Variants in CSMD1 observed in about 807,000 individuals in gnomAD.
CSMD1 encodes the protein CUB and Sushi multiple domains 1.
In CSMD1, 213 loss-of-function variants were observed where a neutral mutation model predicts 417.5. The observed-to-expected ratio is 0.51, with a 90% CI of 0.46 to 0.57. The LOEUF (loss-of-function observed/expected upper bound fraction) is 0.57, where lower values mean the gene tolerates loss of function less well. Among genes scored for constraint, CSMD1 ranks in the 20% least tolerant of loss-of-function variants. CSMD1 has a pLI of 0.00. For synonymous variants in CSMD1, 2,862 were observed against 1,736.8 expected, an observed-to-expected ratio of 1.65 and a Z score of -16.11; for missense variants, 6,923 against 4,529.7, an observed-to-expected ratio of 1.53 and a Z score of -15.17.
intron 1 of CSMD1, among the ~76,000 whole-genome samples, chr8:4,638,637 A>T (rs977150721): frequency 6.6e-6 from 1 of 152,202 alleles, no homozygotes; most frequent in East Asian, 1.9e-4. Flanking sequence ...AAAGAGCAGT[A>T]AGTAAGCAGT....
chr8:4,518,424 G>T (rs1252525153), intron 2 of CSMD1, among the ~76,000 whole-genome samples: 1 of 152,108 alleles, frequency 6.6e-6, no homozygotes, highest in Non-Finnish European at 1.5e-5. Context: ...TTGACTGTGT[G>T]AGGGAAACAT....
chr8:4,740,013 G>C (rs1810504563), intron 1 of CSMD1, among the ~76,000 whole-genome samples: 1 of 152,034 alleles, frequency 6.6e-6, no homozygotes, highest in African/African-American at 2.4e-5. Flanking sequence ...TTCCCACCCT[G>C]AGCTTCAGCA....
intron 3 of CSMD1, among the ~76,000 whole-genome samples, chr8:4,184,166 G>C (rs929064851): frequency 2.0e-5 from 3 of 152,062 alleles, no homozygotes; most frequent in Admixed American, 6.6e-5. Context: ...GAAAGAAAAA[G>C]CAATGGAAAT....
At chr8:3,992,793 T>C (rs1814860951) in intron 5 of CSMD1, among the ~76,000 whole-genome samples, 1 of 152,154 alleles carries the variant, frequency 6.6e-6, no homozygotes, top group Admixed American at 6.5e-5. Context: ...CATTAAAAAA[T>C]TATAAAGGAA....
At chr8:4,872,539 C>G (rs1802796791) in intron 1 of CSMD1, among the ~76,000 whole-genome samples, 1 of 152,034 alleles carries the variant, frequency 6.6e-6, no homozygotes, top group East Asian at 1.9e-4. Context: ...TTGTAAGTTT[C>G]CTGAGGCTTC....
chr8:4,797,872 T>C (rs1224521682), intron 1 of CSMD1, among the ~76,000 whole-genome samples: 1 of 152,182 alleles, frequency 6.6e-6, no homozygotes, highest in Non-Finnish European at 1.5e-5. Flanking sequence ...TCATGGATTT[T>C]ACGAAAATCA....
chr8:4,093,574 A>G (rs1800831061), intron 3 of CSMD1, among the ~76,000 whole-genome samples: 1 of 152,240 alleles, frequency 6.6e-6, no homozygotes, highest in African/African-American at 2.4e-5. Context: ...CACATTGAAA[A>G]AAAGTGGCAG....
chr8:4,270,673 C>G (rs544803997), intron 3 of CSMD1, among the ~76,000 whole-genome samples: 10 of 152,304 alleles, frequency 6.6e-5, no homozygotes, highest in Non-Finnish European at 1.0e-4. Context: ...AATGTAGCTC[C>G]TTTCTTCTAC....
chr8:3,281,876 G>A (rs969926604), intron 26 of CSMD1, among the ~76,000 whole-genome samples: 1 of 152,150 alleles, frequency 6.6e-6, no homozygotes, highest in African/African-American at 2.4e-5. Context: ...GTTTCTAATG[G>A]TTTAGTACCA....
At chr8:4,877,684 A>G (rs1803134801) in intron 1 of CSMD1, among the ~76,000 whole-genome samples, 1 of 152,072 alleles carries the variant, frequency 6.6e-6, no homozygotes. Context: ...TATCTCCCCT[A>G]TTCCATCTGG....
At chr8:4,339,057 C>G (rs1447179953) in intron 3 of CSMD1, among the ~76,000 whole-genome samples, 1 of 152,072 alleles carries the variant, frequency 6.6e-6, no homozygotes, top group African/African-American at 2.4e-5. Context: ...CTACCGGGAA[C>G]TATTGCTTGG....
intron 37 of CSMD1, among the ~76,000 whole-genome samples, chr8:3,175,338 ACCT>A (rs1015185504): frequency 6.6e-6 from 1 of 152,018 alleles, no homozygotes; most frequent in African/African-American, 2.4e-5. Context: ...CACTGATTCA[ACCT>A]CCTACGTTAT....
At chr8:4,145,438 C>A (rs935632294) in intron 3 of CSMD1, among the ~76,000 whole-genome samples, 3 of 151,216 alleles carry the variant, frequency 2.0e-5, no homozygotes, top group African/African-American at 7.4e-5. Flanking sequence ...ACTTAATCTA[C>A]AGGTTACTAT....
chr8:3,541,010 C>G (rs754937399), intron 10 of CSMD1, among the ~76,000 whole-genome samples: 2 of 152,092 alleles, frequency 1.3e-5, no homozygotes, highest in Non-Finnish European at 2.9e-5. Flanking sequence ...ACCATTTGAC[C>G]CAGCAATCCC....
At chr8:4,791,464 T>G (rs940631892) in intron 1 of CSMD1, among the ~76,000 whole-genome samples, 1 of 152,170 alleles carries the variant, frequency 6.6e-6, no homozygotes, top group East Asian at 1.9e-4. Context: ...TCTTGAAAAG[T>G]GAACCTAATT....
At chr8:4,698,500 G>A (rs1222861087) in intron 1 of CSMD1, among the ~76,000 whole-genome samples, 1 of 152,012 alleles carries the variant, frequency 6.6e-6, no homozygotes, top group African/African-American at 2.4e-5. Flanking sequence ...CAGCTCAGGT[G>A]TGTGTTAGGC....
In CSMD1 at chr8:4,068,645, G is replaced by C. The variant is rs2552110; in HGVS notation, c.416-36546C>G. On this transcript the variant is annotated intron_variant, in intron 3 of 69. Transcript: ENST00000635120. ...AATGTTACCATATCAGTGGAACTGT[G>C]AGTTTAAGATAAAAAAAATGGAAAA... 8.5e-5 allele frequency among the ~76,000 whole-genome samples: 13 copies of C among 152,182 alleles called. No individual in the cohort carries two copies. In the East Asian group the frequency reaches 2.1e-3, roughly 25 times the overall value.
At chr8:3,431,496 G>T (rs1814215190) in intron 12 of CSMD1, among the ~76,000 whole-genome samples, 1 of 152,040 alleles carries the variant, frequency 6.6e-6, no homozygotes, top group Non-Finnish European at 1.5e-5. Context: ...CCGCCTCCCT[G>T]ACCCATCCCA....
At chr8:4,003,386 C>T (rs1055613323) in intron 4 of CSMD1, among the ~76,000 whole-genome samples, 4 of 150,550 alleles carry the variant, frequency 2.7e-5, no homozygotes, top group African/African-American at 9.8e-5. Flanking sequence ...CAGCAAGACA[C>T]TGTCTCAATA....
Sources: gnomAD v4.1 joint callset for allele counts (sites outside exome capture counted in the v4.1 genomes callset) on GRCh38, gnomAD v4.1.1 for gene constraint, MANE v1.5 for transcripts, NCBI Gene and HGNC (gene_info 2026-07-23, HGNC 2026-07-21) for gene names.